CRTC1: variants seen among roughly 807,000 people sequenced by gnomAD.
The protein encoded by CRTC1 is CREB-regulated transcription coactivator 1.
A neutral mutation model predicts 66.1 loss-of-function variants in CRTC1; 18 were observed. That is an observed-to-expected ratio of 0.27 (90% confidence interval 0.19 to 0.40). The LOEUF is 0.40. Among genes scored for constraint, CRTC1 ranks in the 10% least tolerant of loss-of-function variants. CRTC1 has a pLI of 1.00. For missense variants in CRTC1, 669 were observed against 887.9 expected (o/e 0.75, Z 3.13); for synonymous variants, 416 against 398.8 (o/e 1.04, Z -0.51).
intron 1 of CRTC1, among the ~76,000 whole-genome samples, chr19:18,687,697 GT>G (rs2052717592): frequency 1.3e-5 from 2 of 152,202 alleles, no homozygotes; most frequent in Non-Finnish European, 2.9e-5. Flanking sequence ...ACTCATGCGT[GT>G]CTGTTCACAG....
In CRTC1 at chr19:18,759,470, G is replaced by A. The variant is rs988769162; in HGVS notation, c.625-81G>A. 122 of 1,435,458 alleles carry A rather than the reference G, an allele frequency of 8.5e-5. No individual in the cohort carries two copies. The South Asian group carries it at 1.1e-3, about 13-fold the overall frequency. The allele number at this position is 1,435,458 out of a possible 1,614,324, so 88.9% of individuals were successfully genotyped here. A position where few individuals can be genotyped will look rare whatever the true frequency, so the allele number is the denominator to read the frequency against. On this transcript the variant is annotated intron_variant, in intron 6 of 13. Transcript: ENST00000321949. ...TCTGGGCTTTGTGGGAAGATCAGCC[G>A]TTTCAAGGAGGCCCAGTGCCCAGGA...
intron 1 of CRTC1, among the ~76,000 whole-genome samples, chr19:18,705,505 AT>A (rs1307173158): frequency 6.6e-6 from 1 of 151,996 alleles, no homozygotes; most frequent in Non-Finnish European, 1.5e-5. Context: ...TTTAATGGAG[AT>A]GGGGGTTTCA....
chr19:18,706,787 A>G (rs2053276823), intron 1 of CRTC1, among the ~76,000 whole-genome samples: 1 of 152,196 alleles, frequency 6.6e-6, no homozygotes, highest in African/African-American at 2.4e-5. Context: ...CTTATTGGCC[A>G]TTTGTCTTTG....
chr19:18,694,898 T>G (rs7253058), intron 1 of CRTC1, among the ~76,000 whole-genome samples: 21,502 of 151,676 alleles, frequency 0.14, 1,747 homozygotes, highest in African/African-American at 0.2. Flanking sequence ...GACCTCTTTT[T>G]TTTTTTTTTT....
chr19:18,704,584 C>T lies in CRTC1; in HGVS notation c.126+20756C>T, dbSNP rs1353080498. Among the ~76,000 whole-genome samples the T allele has an allele frequency of 5.3e-5, 8 of 151,968 alleles. No homozygotes were observed. The East Asian group carries it at 1.2e-3, about 22-fold the overall frequency. Reference sequence around the variant, plus strand: ...AAAATTAGCTGGGTGTGGTGGCAGGCGCCTGTAATCCCAGCTACTCGGGAT... The same window carrying T: ...AAAATTAGCTGGGTGTGGTGGCAGGTGCCTGTAATCCCAGCTACTCGGGAT... On this transcript the variant is annotated intron_variant, in intron 1 of 13. Coordinates refer to ENST00000321949, the MANE Select transcript of CRTC1 (RefSeq NM_015321.3).
At chr19:18,711,219 G>T (rs1194093619) in intron 1 of CRTC1, among the ~76,000 whole-genome samples, 3 of 152,208 alleles carry the variant, frequency 2.0e-5, no homozygotes, top group Non-Finnish European at 4.4e-5. Flanking sequence ...AGGACTTCTT[G>T]TTTGGGAGTC....
In CRTC1 at chr19:18,774,811, G is replaced by C; in HGVS notation, c.1426-89G>C. The stretch of plus-strand genomic sequence containing the variant: ...TCCTGCCGTCTGGGAGGTTCCAGGG[G>C]CCTCTTGTCTTCCAGCCGGGCTTGG... On this transcript the variant is annotated intron_variant, in intron 11 of 13. Coordinates refer to ENST00000321949, the MANE Select transcript of CRTC1 (RefSeq NM_015321.3). 4 of 1,231,754 alleles carry C rather than the reference G, an allele frequency of 3.2e-6. No homozygotes were observed. The East Asian group carries it at 7.0e-5, about 22-fold the overall frequency. The allele number at this position is 1,231,754 out of a possible 1,614,324, so 76.3% of individuals were successfully genotyped here.
In CRTC1 at chr19:18,740,008, T is replaced by A. The variant is rs2054077968; in HGVS notation, c.127-2902T>A. ...TGGCTCACACCTGTAACCCCAGCAT[T>A]TTCGGAGGCTGAGGCGGGCGAATCT... is the stretch of plus-strand genomic sequence containing the variant. On this transcript the variant is annotated intron_variant, in intron 1 of 13. Coordinates refer to ENST00000321949, the MANE Select transcript of CRTC1 (RefSeq NM_015321.3). Among the ~76,000 whole-genome samples the A allele has an allele frequency of 2.0e-5, 3 of 152,094 alleles. No individual in the cohort carries two copies. The South Asian group carries it at 6.2e-4, about 32-fold the overall frequency.
At chr19:18,728,530 G>A (rs1052792495) in intron 1 of CRTC1, among the ~76,000 whole-genome samples, 4 of 151,994 alleles carry the variant, frequency 2.6e-5, no homozygotes, top group African/African-American at 9.7e-5. Context: ...TTTTGGAGAT[G>A]GAGTTTCCCT....
chr19:18,702,533 CTT>C (rs34068358), intron 1 of CRTC1, among the ~76,000 whole-genome samples: 29 of 128,150 alleles, frequency 2.3e-4, no homozygotes, highest in African/African-American at 2.4e-4. Flanking sequence ...AGGGGATAGT[CTT>C]TTTTTTTTTT....
intron 1 of CRTC1, among the ~76,000 whole-genome samples, chr19:18,687,642 G>A (rs2052716140): frequency 6.6e-6 from 1 of 152,084 alleles, no homozygotes; most frequent in Admixed American, 6.6e-5. Context: ...GCATGATCGG[G>A]TCGGCACCTG....
intron 6 of CRTC1, among the ~76,000 whole-genome samples, chr19:18,758,189 G>T (rs188529708): frequency 2.5e-4 from 38 of 150,076 alleles, no homozygotes; most frequent in African/African-American, 7.8e-4. Flanking sequence ...GTGAAACCCC[G>T]TCTCTACTAA....
rs141474753 is a variant in CRTC1, at chr19:18,706,838, G to A, written c.126+23010G>A. On this transcript the variant is annotated intron_variant, in intron 1 of 13. Transcript: ENST00000321949. ...AAGTCCTTTGCCCTTGTTTTTTAGC[G>A]CTTTTTAGTACATTCACATTTTGAC... Among the ~76,000 whole-genome samples the A allele has an allele frequency of 6.0e-3, 918 of 151,984 alleles. 7 individuals are homozygous for A. Among genetic ancestry groups the A allele is most frequent in the Non-Finnish European group, 0.011 (727 of 67,948 alleles).
rs1206339760 is a variant in CRTC1 at position 18,768,582 on chromosome 19, C to T, written c.1109C>T (p.Pro370Leu). ...SQQPPPQPQP[P>L]PPPPPASQQP... ...CAGCCACCGCCGCAGCCCCAGCCCC[C>T]GCCGCCTCCTCCACCCGCGTCCCAG... Residue 370 changes from proline (P) to leucine (L), a missense_variant, in exon 10 of 14, where the codon CCG becomes CTG. Physicochemically the swap from Pro to Leu is moderately conservative, Grantham distance 98. Around this residue, in one of 8 missense-constraint regions of CRTC1, gnomAD observed 241 missense variants for 242.2 expected, o/e 0.99. Transcript: ENST00000321949. The surrounding 1 kb of genome is among the most constrained non-coding windows in gnomAD (Gnocchi z 5.6). 11 of 1,580,736 alleles carry T rather than the reference C, an allele frequency of 7.0e-6. No homozygotes were observed. Among genetic ancestry groups the T allele is most frequent in the African/African-American group, 2.7e-5 (2 of 74,078 alleles).
At chr19:18,737,371 G>A (rs148541017) in intron 1 of CRTC1, among the ~76,000 whole-genome samples, 5 of 152,070 alleles carry the variant, frequency 3.3e-5, no homozygotes, top group Non-Finnish European at 5.9e-5. Context: ...TGCCTCCCAC[G>A]TGCCTCCACT....
At chr19:18,727,580 C>CAA (rs60907638) in intron 1 of CRTC1, among the ~76,000 whole-genome samples, 17 of 51,798 alleles carry the variant, frequency 3.3e-4, no homozygotes, top group African/African-American at 4.1e-4. Flanking sequence ...GACTCTGTCT[C>CAA]AAAAAAAAAA....
chr19:18,761,861 G>A lies in CRTC1; in HGVS notation c.886+1633G>A, dbSNP rs149829313. On this transcript the variant is annotated intron_variant, in intron 8 of 13. Transcript: ENST00000321949. Reference sequence around the variant, plus strand: ...GACTAGAATAGTGAAGAGGGAACAGGGCCCCAGCCCGAGCGCATTGAGGCT... The same window carrying A: ...GACTAGAATAGTGAAGAGGGAACAGAGCCCCAGCCCGAGCGCATTGAGGCT... 2.1e-3 allele frequency among the ~76,000 whole-genome samples: 313 copies of A among 152,214 alleles called. 3 individuals are homozygous for A. The highest frequency in any genetic ancestry group is 6.8e-3 in the African/African-American group (284 of 41,520).
chr19:18,750,003 G>C (rs1600935156), intron 5 of CRTC1, 128 bp downstream of exon 5: 1 of 742,260 alleles, frequency 1.3e-6, no homozygotes, highest in South Asian at 1.6e-5. Flanking sequence ...CATGCTGAGG[G>C]ATCGGGGGAG....
At chr19:18,735,623 G>C (rs563052528) in intron 1 of CRTC1, 1 of 152,392 alleles carries the variant, frequency 6.6e-6, no homozygotes, top group Non-Finnish European at 1.5e-5. Context: ...TAGGGGAAGA[G>C]TCCTGCTCTG....
Sources: allele counts gnomAD v4.1 joint callset (sites outside exome capture counted in the v4.1 genomes callset), GRCh38; gene constraint gnomAD v4.1.1; regional missense constraint gnomAD v4.1.1; non-coding constraint Gnocchi (gnomAD v3.1); transcripts MANE v1.5; gene names NCBI Gene and HGNC (gene_info 2026-07-23, HGNC 2026-07-21).